The following IGF1 variants were observed in gnomAD, a reference collection of about 807,000 sequenced individuals.
IGF1 encodes the protein insulin-like growth factor 1.
In IGF1, 4 loss-of-function variants were observed where a neutral mutation model predicts 13.8. That is an observed-to-expected ratio of 0.29 (90% CI 0.14 to 0.66). The LOEUF (loss-of-function observed/expected upper bound fraction) is 0.66, where lower values mean the gene tolerates loss of function less well. IGF1 is among the 30% of genes least tolerant of loss of function. The pLI is 0.78. For synonymous variants in IGF1, 76 were observed against 72.6 expected, an observed-to-expected ratio of 1.05 and a Z score of -0.23; for missense variants, 124 against 188.5, an observed-to-expected ratio of 0.66 and a Z score of 2.00.
intron 2 of IGF1, among the ~76,000 whole-genome samples, chr12:102,460,349 A>G (rs751902730): frequency 2.0e-5 from 3 of 152,220 alleles, no homozygotes; most frequent in Admixed American, 6.5e-5. Context: ...TTGGCTAACC[A>G]GAAGACACTC....
At chr12:102,480,636 A>C, upstream of IGF1, 1 of 1,340,060 alleles carries the variant, frequency 7.5e-7, no homozygotes, top group African/African-American at 1.5e-5. Context: ...CTGGGGGAAC[A>C]TTTGCCTTCT....
chr12:102,439,890 G>A (rs1009530692), intron 2 of IGF1, among the ~76,000 whole-genome samples: 3 of 152,136 alleles, frequency 2.0e-5, no homozygotes, highest in Non-Finnish European at 4.4e-5. Context: ...ACAGACTCGG[G>A]CCACATTGGA....
intron 2 of IGF1, among the ~76,000 whole-genome samples, chr12:102,441,958 T>TTCTTCTTCTTCTTCTTCTTTCTTCTC (rs1180940405): frequency 2.4e-5 from 1 of 41,162 alleles, no homozygotes; most frequent in Non-Finnish European, 4.5e-5. Context: ...TCTTCTTCTT[T>TTCTTCTTCTTCTTCTTCTTTCTTCTC]TTTTTTTTTG....
intron 2 of IGF1, among the ~76,000 whole-genome samples, chr12:102,427,294 C>T (rs1876293441): frequency 1.3e-5 from 2 of 152,116 alleles, no homozygotes; most frequent in Non-Finnish European, 2.9e-5. Flanking sequence ...GCATTATCTC[C>T]TGTACTTACA....
intron 3 of IGF1, chr12:102,417,940 G>A: frequency 3.1e-6 from 5 of 1,613,728 alleles, no homozygotes; most frequent in Non-Finnish European, 4.2e-6. Context: ...CCTCCTGGAT[G>A]TGTCTTTGGC....
At chr12:102,427,855 A>C (rs555195519) in intron 2 of IGF1, among the ~76,000 whole-genome samples, 1 of 152,078 alleles carries the variant, frequency 6.6e-6, no homozygotes, top group East Asian at 1.9e-4. Context: ...GAGTGGGAGG[A>C]GATGGTTTGG....
Position 102,456,452 on chromosome 12 carries a change from T to TC in IGF1, c.220+19190dup, listed in dbSNP as rs559718011. ...GTAATAATATTTTGTCAGAAGTTTT[T>TC]CCCTCATTTCTGCTCAACTACAGAG... On this transcript the variant is annotated intron_variant, in intron 2 of 3. Coordinates refer to ENST00000337514, the MANE Select transcript of IGF1 (RefSeq NM_000618.5). Among the ~76,000 whole-genome samples, 34 of 152,284 alleles carry TC rather than the reference T, an allele frequency of 2.2e-4. No individual in the cohort carries two copies. In the East Asian group the frequency reaches 5.4e-3, roughly 24 times the overall value.
At chr12:102,414,985 T>C (rs1477034250) in intron 3 of IGF1, among the ~76,000 whole-genome samples, 1 of 152,220 alleles carries the variant, frequency 6.6e-6, no homozygotes, top group Non-Finnish European at 1.5e-5. Context: ...AATAGGTGTA[T>C]AATATTCACT....
At chr12:102,445,908 T>C (rs766685214) in intron 2 of IGF1, among the ~76,000 whole-genome samples, 3 of 152,214 alleles carry the variant, frequency 2.0e-5, no homozygotes, top group Non-Finnish European at 4.4e-5. Flanking sequence ...ATATGTTCCA[T>C]CAATACCTAG....
intron 2 of IGF1, among the ~76,000 whole-genome samples, chr12:102,428,321 G>T (rs1876419638): frequency 1.4e-5 from 2 of 145,744 alleles, no homozygotes; most frequent in South Asian, 4.4e-4. Context: ...AAAACCAAGA[G>T]TTTTCTCTTT....
At chr12:102,439,410 C>A (rs1565983009) in intron 2 of IGF1, among the ~76,000 whole-genome samples, 1 of 152,142 alleles carries the variant, frequency 6.6e-6, no homozygotes, top group East Asian at 1.9e-4. Flanking sequence ...TTAAGGAGAC[C>A]TTTAACAATT....
rs1375945410 is a variant in IGF1, at chr12:102,402,354, T to G, written c.*153A>C. On this transcript the variant is annotated 3_prime_UTR_variant, in exon 4 of 4. Coordinates refer to ENST00000337514, the MANE Select transcript of IGF1 (RefSeq NM_000618.5). Reference sequence around the variant, plus strand: ...ATCACTCCTAAAGACAATGTTGGAATGTTTACTTGTGTATTTCATTGGGGG... The same window carrying G: ...ATCACTCCTAAAGACAATGTTGGAAGGTTTACTTGTGTATTTCATTGGGGG... 2.7e-6 allele frequency: 2 copies of G among 740,462 alleles called. No homozygotes were observed. Among genetic ancestry groups the G allele is most frequent in the African/African-American group, 3.4e-5 (2 of 58,076 alleles). 45.9% of individuals were successfully genotyped at this position (740,462 alleles called of 1,614,324 possible). A position where few individuals can be genotyped will look rare whatever the true frequency, so the allele number is the denominator to read the frequency against.
chr12:102,427,701 G>C (rs1250106011), intron 2 of IGF1, among the ~76,000 whole-genome samples: 2 of 152,116 alleles, frequency 1.3e-5, no homozygotes, highest in Non-Finnish European at 2.9e-5. Context: ...TCCTTAAAGA[G>C]AGGCATCCGG....
intron 2 of IGF1, among the ~76,000 whole-genome samples, chr12:102,433,347 AT>A (rs1043413659): frequency 1.4e-4 from 21 of 152,310 alleles, no homozygotes; most frequent in African/African-American, 4.1e-4. Context: ...TCTCCTTATA[AT>A]CAGGGTAACT....
chr12:102,456,552 A>T (rs1454025468), intron 2 of IGF1, among the ~76,000 whole-genome samples: 1 of 152,154 alleles, frequency 6.6e-6, no homozygotes, highest in East Asian at 1.9e-4. Flanking sequence ...AGTCCTATTT[A>T]TAGTTCTCTT....
chr12:102,449,162 T>C (rs750045828), intron 2 of IGF1, among the ~76,000 whole-genome samples: 1 of 152,078 alleles, frequency 6.6e-6, no homozygotes, highest in Non-Finnish European at 1.5e-5. Flanking sequence ...TGCCCATCAG[T>C]GATAGACTGG....
At chr12:102,407,038 G>A (rs904141797) in intron 3 of IGF1, among the ~76,000 whole-genome samples, 17 of 142,546 alleles carry the variant, frequency 1.2e-4, no homozygotes, top group African/African-American at 4.5e-4. Flanking sequence ...AGGTTGCAGT[G>A]AGCTGAGATT....
intron 3 of IGF1, among the ~76,000 whole-genome samples, chr12:102,405,156 A>T (rs1360710957): frequency 1.3e-5 from 2 of 150,830 alleles, no homozygotes; most frequent in Non-Finnish European, 3.0e-5. Context: ...GGTGTGATCT[A>T]GGCTCACTGC....
At chr12:102,405,516 T>C (rs1874082152) in intron 3 of IGF1, among the ~76,000 whole-genome samples, 1 of 152,178 alleles carries the variant, frequency 6.6e-6, no homozygotes, top group African/African-American at 2.4e-5. Flanking sequence ...ACACTGTTGA[T>C]GGTCTGTAGC....
Sources: allele counts gnomAD v4.1 joint callset (sites outside exome capture counted in the v4.1 genomes callset), GRCh38; gene constraint gnomAD v4.1.1; transcripts MANE v1.5; gene names NCBI Gene and HGNC (gene_info 2026-07-23, HGNC 2026-07-21).